Variants in GRM4 observed in about 807,000 individuals in gnomAD.
GRM4 encodes the protein glutamate metabotropic receptor 4, also known as metabotropic glutamate receptor 4.
GRM4 carries 28 observed loss-of-function variants against 81.7 expected under a neutral mutation model. That is an observed-to-expected ratio of 0.34 (90% CI 0.25 to 0.47). The LOEUF is 0.47. GRM4 is among the 20% of genes least tolerant of loss of function. The pLI, the probability that GRM4 is intolerant of heterozygous loss-of-function variation, is 1.00. For synonymous variants in GRM4, 488 were observed against 528.8 expected, an observed-to-expected ratio of 0.92 and a Z score of 1.06; for missense variants, 948 against 1,290.0, an observed-to-expected ratio of 0.73 and a Z score of 4.06.
chr6:34,062,279 T>G, intron 3 of GRM4: 1 of 420,422 alleles, frequency 2.4e-6, no homozygotes, highest in Non-Finnish European at 4.3e-6. Context: ...AGTTTCCCCA[T>G]ATAGCAGCTA....
intron 2 of GRM4, among the ~76,000 whole-genome samples, chr6:34,108,730 G>C (rs1769240221): frequency 6.6e-6 from 1 of 152,118 alleles, no homozygotes. Flanking sequence ...TGTGCCAGGT[G>C]CTGGGAGGTG....
intron 2 of GRM4, among the ~76,000 whole-genome samples, chr6:34,122,880 T>C (rs1260312980): frequency 6.6e-6 from 1 of 152,146 alleles, no homozygotes; most frequent in Non-Finnish European, 1.5e-5. Flanking sequence ...CCACATTCCC[T>C]GGGAAGGTCA....
At chr6:34,077,392 A>G (rs1386613464) in intron 3 of GRM4, among the ~76,000 whole-genome samples, 2 of 151,736 alleles carry the variant, frequency 1.3e-5, no homozygotes, top group Admixed American at 1.3e-4. Context: ...CAGCCAGCTG[A>G]CCCCTCAGGC....
chr6:34,104,669 TC>T (rs1255369304), intron 2 of GRM4, among the ~76,000 whole-genome samples: 1 of 151,984 alleles, frequency 6.6e-6, no homozygotes. Flanking sequence ...GCCTACACCA[TC>T]CCCGCACCCA....
intron 3 of GRM4, among the ~76,000 whole-genome samples, chr6:34,083,884 G>A (rs1202603573): frequency 6.6e-6 from 1 of 152,180 alleles, no homozygotes; most frequent in African/African-American, 2.4e-5. Flanking sequence ...AGGTGGGAGG[G>A]TTGCATGCTC....
intron 2 of GRM4, among the ~76,000 whole-genome samples, chr6:34,109,978 C>T (rs1769298023): frequency 6.6e-6 from 1 of 152,160 alleles, no homozygotes; most frequent in Admixed American, 6.5e-5. Context: ...TCTAGGTCCA[C>T]ACATGTGCAC....
upstream of GRM4, among the ~76,000 whole-genome samples, chr6:34,148,893 C>T (rs1387994319): frequency 6.6e-6 from 1 of 152,134 alleles, no homozygotes; most frequent in East Asian, 1.9e-4. Context: ...CTGACCCGCC[C>T]GTTCCTGCAC....
In GRM4 at chr6:34,135,165, A is replaced by T. The variant is rs138187536; in HGVS notation, c.-363-1306T>A. ...CCCCAGAGATGTGGTCCCTCCATCAAGACCAAGCCGTGGTCTCAGGGTCAT... is the reference window on the plus strand; with the variant it reads ...CCCCAGAGATGTGGTCCCTCCATCATGACCAAGCCGTGGTCTCAGGGTCAT... On this transcript the variant is annotated intron_variant, in intron 1 of 10. Transcript: ENST00000538487. Among the ~76,000 whole-genome samples the T allele has an allele frequency of 3.5e-3, 539 of 152,296 alleles. 1 individual carries two copies. Among genetic ancestry groups the T allele is most frequent in the Middle Eastern group, 0.02 (6 of 294 alleles).
At chr6:34,103,719 G>A in intron 2 of GRM4, 1 of 1,519,832 alleles carries the variant, frequency 6.6e-7, no homozygotes, top group South Asian at 1.2e-5. Context: ...TTCCAAGGAG[G>A]GCTCAAAGTC....
chr6:34,072,943 A>C (rs1206324994), intron 3 of GRM4, among the ~76,000 whole-genome samples: 1 of 146,106 alleles, frequency 6.8e-6, no homozygotes, highest in African/African-American at 2.6e-5. Flanking sequence ...ATCACCACAC[A>C]GATACACACC....
At chr6:34,052,029 C>T (rs1765637970) in intron 6 of GRM4, among the ~76,000 whole-genome samples, 1 of 152,340 alleles carries the variant, frequency 6.6e-6, no homozygotes, top group Non-Finnish European at 1.5e-5. Context: ...CTGACCCCTT[C>T]AGCACACACC....
chr6:34,040,233 T>C lies in GRM4; in HGVS notation c.1451A>G (p.Asn484Ser). 1.9e-6 allele frequency: 3 copies of C among 1,614,150 alleles called. No homozygotes were observed. Among genetic ancestry groups the C allele is most frequent in the Non-Finnish European group, 1.7e-6 (2 of 1,179,932 alleles). The change falls in exon 8 of 11, where the codon AAC (asparagine) becomes AGC (serine). Residue 484 changes from asparagine (N) to serine (S), a missense_variant. Transcript: ENST00000538487. ...RYDIYQYQLR[N>S]DSAEYKVIGS... ...AATGACCTTGTACTCGGCAGAATCG[T>C]TGCGCAGCTGGTATTGGTAGATGTC...
chr6:34,118,171 A>G (rs1769669340), intron 2 of GRM4, among the ~76,000 whole-genome samples: 2 of 152,238 alleles, frequency 1.3e-5, no homozygotes, highest in African/African-American at 2.4e-5. Context: ...TTGCTTCTTT[A>G]TGCTTTGCTG....
chr6:34,050,482 T>G (rs745442490), intron 6 of GRM4, among the ~76,000 whole-genome samples: 8 of 152,140 alleles, frequency 5.3e-5, no homozygotes, highest in Non-Finnish European at 8.8e-5. Context: ...CCTCCTCCTC[T>G]CTTTCCCGTC....
At chr6:34,151,304 TCTC>T (rs1160343466) in intron 1 of GRM4, among the ~76,000 whole-genome samples, 1 of 152,164 alleles carries the variant, frequency 6.6e-6, no homozygotes, top group Non-Finnish European at 1.5e-5. Context: ...AAAGACTCTT[TCTC>T]CTCCTCCTTC....
At position 34,036,259 on chromosome 6, in the gene GRM4, G is replaced by A. The variant is rs781063155; in HGVS notation, c.1851C>T (p.Ile617=). 48 of 1,613,978 alleles carry A rather than the reference G, an allele frequency of 3.0e-5. No homozygotes were observed. The highest frequency in any genetic ancestry group is 6.7e-5 in the East Asian group (3 of 44,896). The change falls in exon 9 of 11, where the codon ATC becomes ATT. Residue 617 remains isoleucine, a synonymous_variant. Coordinates refer to ENST00000538487, the MANE Select transcript of GRM4 (RefSeq NM_000841.4). The surrounding 1 kb of genome is among the most constrained non-coding windows in gnomAD (Gnocchi z 9.0). ...TCAGTTCACGGCCCGAGGCCTTGAC[G>A]ATGGGCGTGTCGTTGTAGCGCACAA... The part of the protein sequence containing the change: ...ITFVRYNDTP[I]VKASGRELSY...
chr6:34,118,928 A>G (rs1226275146), intron 2 of GRM4, among the ~76,000 whole-genome samples: 1 of 152,226 alleles, frequency 6.6e-6, no homozygotes, highest in Non-Finnish European at 1.5e-5. Context: ...TTAATCTCTC[A>G]TGAAGATTAA....
In GRM4 at chr6:34,030,735, C is replaced by G. The variant is rs146886149; in HGVS notation, c.2443-2369G>C. On this transcript the variant is annotated intron_variant, in intron 9 of 10. Coordinates refer to ENST00000538487, the MANE Select transcript of GRM4 (RefSeq NM_000841.4). ...CCCTTCGTTTTCATTTTGTGCTGGG[C>G]GCTGAAAATTATATAGCCAACTCTC... Among the ~76,000 whole-genome samples, 149 of 152,260 alleles carry G rather than the reference C, an allele frequency of 9.8e-4. 2 individuals are homozygous for G. The East Asian group carries it at 0.024, about 24-fold the overall frequency.
rs1338951211 is a variant in GRM4, at chr6:34,041,912, T to C, written c.1169-1164A>G. On this transcript the variant is annotated intron_variant, in intron 6 of 10. Coordinates refer to ENST00000538487, the MANE Select transcript of GRM4 (RefSeq NM_000841.4). ...GGAACTCTTGATGTATATTCACTCA[T>C]TGATTTCTCACAACAATGCTAAGGT... Among the ~76,000 whole-genome samples the C allele has an allele frequency of 8.5e-5, 13 of 152,248 alleles. 1 individual carries two copies. The highest frequency in any genetic ancestry group is 8.5e-4 in the Admixed American group (13 of 15,290).
Sources: gnomAD v4.1 joint callset for allele counts (sites outside exome capture counted in the v4.1 genomes callset) on GRCh38, gnomAD v4.1.1 for gene constraint, Gnocchi (gnomAD v3.1) non-coding constraint, MANE v1.5 for transcripts, NCBI Gene and HGNC (gene_info 2026-07-23, HGNC 2026-07-21) for gene names.